The following RAI1 variants were observed in gnomAD, a reference collection of about 807,000 sequenced individuals.
RAI1 encodes retinoic acid-induced protein 1.
In RAI1, 9 loss-of-function variants were observed where a neutral mutation model predicts 123.8. That is an observed-to-expected ratio of 0.07 (90% CI 0.04 to 0.13). The LOEUF is 0.13. Among genes scored for constraint, RAI1 ranks in the 10% least tolerant of loss-of-function variants. The pLI, the probability that RAI1 is intolerant of heterozygous loss-of-function variation, is 1.00. For synonymous variants in RAI1, 1,231 were observed against 1,127.3 expected (o/e 1.09, Z -1.84); for missense variants, 2,256 against 2,545.8 (o/e 0.89, Z 2.45).
chr17:17,722,097 T>C (rs1915898923), intron 1 of RAI1, among the ~76,000 whole-genome samples: 2 of 151,630 alleles, frequency 1.3e-5, no homozygotes, highest in African/African-American at 4.9e-5. Context: ...TAGGAGGAAG[T>C]GGAGGTGGAG....
At position 17,785,064 on chromosome 17, in the gene RAI1, G is replaced by A. The variant is rs576933029; in HGVS notation, c.-16-7869G>A. Among the ~76,000 whole-genome samples the A allele has an allele frequency of 4.6e-5, 7 of 152,328 alleles. No homozygotes were observed. In the South Asian group the frequency reaches 1.4e-3, roughly 32 times the overall value. ...ACACCACCAGGGCAGTTGTATGTGT[G>A]TCTGCCTGCCTCTGGAGAGCAAGGG... On this transcript the variant is annotated intron_variant, in intron 2 of 5. Coordinates refer to ENST00000353383, the MANE Select transcript of RAI1 (RefSeq NM_030665.4).
intron 1 of RAI1, among the ~76,000 whole-genome samples, chr17:17,703,037 G>C (rs1481694093): frequency 6.6e-6 from 1 of 152,234 alleles, no homozygotes; most frequent in Non-Finnish European, 1.5e-5. Context: ...CGTGTAGTAA[G>C]TGCTCAATAA....
In RAI1 at chr17:17,699,529, C is replaced by T. The variant is rs575901427; in HGVS notation, c.-149+17736C>T. Among the ~76,000 whole-genome samples, 16 of 151,192 alleles carry T rather than the reference C, an allele frequency of 1.1e-4. 1 individual carries two copies. The South Asian group carries it at 2.9e-3, about 28-fold the overall frequency. On this transcript the variant is annotated intron_variant, in intron 1 of 5. Coordinates refer to ENST00000353383, the MANE Select transcript of RAI1 (RefSeq NM_030665.4). Reference sequence around the variant, plus strand: ...TCCTGAACACCTAGTAATTGCTGGGCACACTGCACTCCATGTTGGACTGAG... The same window carrying T: ...TCCTGAACACCTAGTAATTGCTGGGTACACTGCACTCCATGTTGGACTGAG...
chr17:17,799,851 C>T lies in RAI1; in HGVS notation c.5565+1338C>T, dbSNP rs2032394324. On this transcript the variant is annotated intron_variant, in intron 3 of 5. Coordinates refer to ENST00000353383, the MANE Select transcript of RAI1 (RefSeq NM_030665.4). This position sits in a 1 kb window ranked among gnomAD's most constrained non-coding sequence, Gnocchi z 4.5. ...ACCCCTGCAGCCCCTCTGAGCAGCC[C>T]CTGCTCCTGACAGTTGCCGTGGCAT... Among the ~76,000 whole-genome samples, 2 of 152,202 alleles carry T rather than the reference C, an allele frequency of 1.3e-5. No individual in the cohort carries two copies. Among genetic ancestry groups the T allele is most frequent in the African/African-American group, 4.8e-5 (2 of 41,454 alleles).
chr17:17,705,146 T>TTCATCA (rs564342612), intron 1 of RAI1, among the ~76,000 whole-genome samples: 2 of 152,080 alleles, frequency 1.3e-5, no homozygotes, highest in African/African-American at 2.4e-5. Context: ...TGACTGATTC[T>TTCATCA]TCATCATCAT....
At chr17:17,770,721 A>G (rs1165005689) in intron 2 of RAI1, 6 of 152,260 alleles carry the variant, frequency 3.9e-5, no homozygotes, top group East Asian at 1.9e-4. Context: ...AGCCCCAGCA[A>G]TTTATGGGTG....
intron 1 of RAI1, among the ~76,000 whole-genome samples, chr17:17,715,598 C>G (rs529756655): frequency 1.2e-4 from 19 of 152,174 alleles, no homozygotes; most frequent in Non-Finnish European, 2.1e-4. Flanking sequence ...CCTCTGCCTC[C>G]CCCGGCCCCT....
At chr17:17,683,342 C>T (rs1598008140) in intron 1 of RAI1, among the ~76,000 whole-genome samples, 1 of 152,274 alleles carries the variant, frequency 6.6e-6, no homozygotes, top group East Asian at 1.9e-4. Flanking sequence ...CTGCCCCTGC[C>T]CCCCTCCATT....
chr17:17,741,127 A>T (rs1916619002), intron 2 of RAI1, among the ~76,000 whole-genome samples: 1 of 151,978 alleles, frequency 6.6e-6, no homozygotes, highest in African/African-American at 2.4e-5. Flanking sequence ...GCACGCACAC[A>T]CGCACGCTCA....
chr17:17,800,469 C>T lies in RAI1; in HGVS notation c.5565+1956C>T, dbSNP rs74726615. 0.019 allele frequency among the ~76,000 whole-genome samples: 2,904 copies of T among 152,290 alleles called. 63 individuals are homozygous for T. The highest frequency in any genetic ancestry group is 0.062 in the African/African-American group (2,576 of 41,550). ...CACATCCCCTGCAGCCAGCACTGGCCGGCCGAAGGGAGGAGGGGTCAGCCC... is the reference window on the plus strand; with the variant it reads ...CACATCCCCTGCAGCCAGCACTGGCTGGCCGAAGGGAGGAGGGGTCAGCCC... On this transcript the variant is annotated intron_variant, in intron 3 of 5. Coordinates refer to ENST00000353383, the MANE Select transcript of RAI1 (RefSeq NM_030665.4). This position sits in a 1 kb window ranked among gnomAD's most constrained non-coding sequence, Gnocchi z 4.7.
chr17:17,689,774 C>G (rs984295032), intron 1 of RAI1, among the ~76,000 whole-genome samples: 3 of 152,152 alleles, frequency 2.0e-5, no homozygotes, highest in Admixed American at 1.3e-4. Flanking sequence ...GTCGTTTGTT[C>G]AAGTCCAGCA....
chr17:17,779,111 A>C (rs1357168795), intron 2 of RAI1: 2 of 351,800 alleles, frequency 5.7e-6, no homozygotes, highest in African/African-American at 2.1e-5. Flanking sequence ...GAAATCAGCC[A>C]GTTGTCCATT....
intron 1 of RAI1, among the ~76,000 whole-genome samples, chr17:17,704,025 C>T (rs1258683893): frequency 1.3e-5 from 2 of 152,162 alleles, no homozygotes; most frequent in Admixed American, 6.5e-5. Context: ...CAGCCCGGCT[C>T]CTCGGGGGGT....
chr17:17,806,941 G>A (rs556043694), intron 4 of RAI1, among the ~76,000 whole-genome samples: 3 of 152,248 alleles, frequency 2.0e-5, no homozygotes, highest in South Asian at 2.1e-4. Context: ...CTACACACAC[G>A]GCAGTTCCCT....
intron 2 of RAI1, among the ~76,000 whole-genome samples, chr17:17,773,073 GTGGA>G (rs1172543704): frequency 5.2e-4 from 48 of 92,556 alleles, no homozygotes; most frequent in Middle Eastern, 5.1e-3. Context: ...GGGTGGGTGG[GTGGA>G]TGGATGGATG....
At chr17:17,682,843 G>C (rs1172414658) in intron 1 of RAI1, among the ~76,000 whole-genome samples, 2 of 152,078 alleles carry the variant, frequency 1.3e-5, no homozygotes, top group Non-Finnish European at 2.9e-5. Flanking sequence ...GCGGAGCCCG[G>C]GCTGGCGGGG....
rs774552382 is a variant in RAI1 at position 17,793,934 on chromosome 17, G to A, written c.986G>A (p.Arg329Gln). 1.1e-5 allele frequency: 18 copies of A among 1,613,724 alleles called. No individual in the cohort carries two copies. Among genetic ancestry groups the A allele is most frequent in the African/African-American group, 2.7e-5 (2 of 74,892 alleles). Residue 329 changes from arginine to glutamine, a missense_variant, in exon 3 of 6, where the codon CGG becomes CAG. Arg to Gln is a conservative substitution (Grantham distance 43). Around this residue, in one of 7 missense-constraint regions of RAI1, gnomAD observed 357 missense variants for 480.2 expected, o/e 0.74. Coordinates refer to ENST00000353383, the MANE Select transcript of RAI1 (RefSeq NM_030665.4). ...QGYCQPDAAV[R>Q]TPEQYYQTFS... Reference sequence around the variant, plus strand: ...TACTGCCAGCCGGACGCAGCCGTCCGGACCCCAGAGCAGTACTACCAGACC... The same window carrying A: ...TACTGCCAGCCGGACGCAGCCGTCCAGACCCCAGAGCAGTACTACCAGACC...
chr17:17,791,242 G>C (rs564886384), intron 2 of RAI1, among the ~76,000 whole-genome samples: 1 of 152,326 alleles, frequency 6.6e-6, no homozygotes, highest in South Asian at 2.1e-4. Context: ...GCTTCTGGGG[G>C]CCATCTGGCT....
chr17:17,779,850 C>T (rs1283374758), intron 2 of RAI1, among the ~76,000 whole-genome samples: 1 of 148,822 alleles, frequency 6.7e-6, no homozygotes, highest in Non-Finnish European at 1.5e-5. Flanking sequence ...TCTTGGCTCA[C>T]TGCAGGCTCC....
Sources: gnomAD v4.1 joint callset for allele counts (sites outside exome capture counted in the v4.1 genomes callset) on GRCh38, gnomAD v4.1.1 for gene constraint, gnomAD v4.1.1 regional missense constraint, Gnocchi (gnomAD v3.1) non-coding constraint, MANE v1.5 for transcripts, NCBI Gene and HGNC (gene_info 2026-07-23, HGNC 2026-07-21) for gene names.